RAB23: variants seen among roughly 807,000 people sequenced by gnomAD.
RAB23 encodes the protein ras-related protein Rab-23.
Under a neutral mutation model 30.0 loss-of-function variants are expected in RAB23, and 15 were observed. The ratio of observed to expected loss-of-function variants is 0.50; its 90% CI spans 0.33 to 0.77. The LOEUF is 0.77. Ranked by LOEUF, RAB23 falls within the 30% of genes least tolerant of loss-of-function variation. The probability of loss-of-function intolerance (pLI) is 0.02; values close to 1 mark genes in which losing one functional copy is unlikely to be tolerated. For synonymous variants in RAB23, 93 were observed against 94.0 expected, an observed-to-expected ratio of 0.99 and a Z score of 0.06; for missense variants, 243 against 275.4, an observed-to-expected ratio of 0.88 and a Z score of 0.83.
chr6:57,198,918 T>G (rs759624555), intron 3 of RAB23, among the ~76,000 whole-genome samples: 4 of 152,128 alleles, frequency 2.6e-5, no homozygotes, highest in Admixed American at 6.5e-5. Context: ...AAGCTCAACA[T>G]TATTTAAAAA....
rs377550834 is a variant in RAB23 at position 57,222,078 on chromosome 6, G to T, written c.-418C>A. 6.6e-6 allele frequency: 1 copy of T among 152,472 alleles called. No individual in the cohort carries two copies. The highest frequency in any genetic ancestry group is 1.5e-5 in the Non-Finnish European group (1 of 68,302). The allele number at this position is 152,472 out of a possible 1,614,324, so 9.4% of individuals were successfully genotyped here. The stretch of plus-strand genomic sequence containing the variant: ...GGCGCCACCGGCTCCTCCTGGTCGC[G>T]GCGCAACCGCTGCCGCCGCTGTCTC... On this transcript the variant is annotated 5_prime_UTR_variant, in exon 1 of 7. Transcript: ENST00000468148.
At chr6:57,213,036 TG>T (rs1213088017) in intron 1 of RAB23, among the ~76,000 whole-genome samples, 1 of 151,436 alleles carries the variant, frequency 6.6e-6, no homozygotes, top group Admixed American at 6.6e-5. Flanking sequence ...GGGAGGTTGG[TG>T]GGGGGCAGTG....
rs576194133 is a variant in RAB23, at chr6:57,210,276, T to C, written c.105A>G (p.Thr35=). Residue 35 remains threonine, a synonymous_variant, in exon 2 of 7, where the codon ACA becomes ACG. Transcript: ENST00000468148. ...MIQRYCKGIF[T]KDYKKTIGVD... is the part of the protein sequence containing the mutation. ...CTCCAATGGTTTTCTTGTAGTCTTT[T>C]GTAAAAATGCCTTTGCAATATCGCT... 1.9e-6 allele frequency: 3 copies of C among 1,614,116 alleles called. No homozygotes were observed. In the African/African-American group the frequency reaches 4.0e-5, roughly 22 times the overall value.
chr6:57,212,834 T>A (rs935363216), intron 1 of RAB23, among the ~76,000 whole-genome samples: 1 of 151,938 alleles, frequency 6.6e-6, no homozygotes, highest in African/African-American at 2.4e-5. Flanking sequence ...CAGTGAGCCA[T>A]GACTGTACCA....
intron 2 of RAB23, among the ~76,000 whole-genome samples, chr6:57,208,200 G>GT (rs1253876340): frequency 1.3e-5 from 2 of 152,068 alleles, no homozygotes; most frequent in Admixed American, 6.6e-5. Flanking sequence ...TATCTGCCAT[G>GT]TTTTTTTCTT....
rs1233679336 is a variant in RAB23, at chr6:57,188,218, G to T, written c.*2243C>A. 1 of 152,114 alleles carries T rather than the reference G, an allele frequency of 6.6e-6. No homozygotes were observed. The highest frequency in any genetic ancestry group is 1.5e-5 in the Non-Finnish European group (1 of 68,000). The allele number at this position is 152,114 out of a possible 1,614,324, so 9.4% of individuals were successfully genotyped here. ...AAATGTCAATTTTTGAAGGCTTTAA[G>T]AATTGATTAAATTGAGAAATTAACA... On this transcript the variant is annotated 3_prime_UTR_variant, in exon 7 of 7. Transcript: ENST00000468148.
Position 57,191,601 on chromosome 6 carries a change from C to T in RAB23, c.575-1001G>A, listed in dbSNP as rs371609001. Among the ~76,000 whole-genome samples the T allele has an allele frequency of 1.8e-4, 27 of 151,740 alleles. No homozygotes were observed. The East Asian group carries it at 3.1e-3, about 18-fold the overall frequency. On this transcript the variant is annotated intron_variant, in intron 6 of 6. Coordinates refer to ENST00000468148, the MANE Select transcript of RAB23 (RefSeq NM_016277.5). ...AGTAGCTGGGACTACAGCCGCCTGCCGCCACGCCCGGCTAATTTTTCATAT... is the reference window on the plus strand; with the variant it reads ...AGTAGCTGGGACTACAGCCGCCTGCTGCCACGCCCGGCTAATTTTTCATAT...
intron 2 of RAB23, among the ~76,000 whole-genome samples, chr6:57,208,063 G>A (rs1765512135): frequency 6.6e-6 from 1 of 152,158 alleles, no homozygotes. Context: ...TCCTGAGTCA[G>A]AGACCACATG....
chr6:57,209,096 G>C (rs1431622890), intron 2 of RAB23, among the ~76,000 whole-genome samples: 5 of 152,116 alleles, frequency 3.3e-5, no homozygotes, highest in Non-Finnish European at 5.9e-5. Flanking sequence ...CCAAGAAAAA[G>C]CACAAAATGT....
chr6:57,212,707 CCT>C (rs886119803), intron 1 of RAB23, among the ~76,000 whole-genome samples: 5 of 149,576 alleles, frequency 3.3e-5, no homozygotes, highest in Admixed American at 1.3e-4. Context: ...CATGTGAGTC[CCT>C]GTCTCTACCA....
chr6:57,199,550 T>C (rs139045671), intron 3 of RAB23, among the ~76,000 whole-genome samples: 5 of 152,248 alleles, frequency 3.3e-5, no homozygotes, highest in African/African-American at 1.2e-4. Flanking sequence ...AATGTATGAC[T>C]ATTAAACCAC....
In RAB23 at chr6:57,190,537, T is replaced by A. The variant is rs1299014217; in HGVS notation, c.638A>T (p.Asp213Val). Residue 213 changes from aspartate (D) to valine (V), a missense_variant, in exon 7 of 7, where the codon GAT becomes GTT. By Grantham distance (152) the Asp-to-Val change is radical (BLOSUM62 -3). Coordinates refer to ENST00000468148, the MANE Select transcript of RAB23 (RefSeq NM_016277.5). ...GQNSGTLNGG[D>V]VINLRPNKQR... ...TTTGTTGGGTCTAAGATTGATGACATCTCCACCATTGAGGGTACCTGAATT... is the reference window on the plus strand; with the variant it reads ...TTTGTTGGGTCTAAGATTGATGACAACTCCACCATTGAGGGTACCTGAATT... The A allele has an allele frequency of 6.2e-7, 1 of 1,613,796 alleles. No individual in the cohort carries two copies. The highest frequency in any genetic ancestry group is 8.5e-7 in the Non-Finnish European group (1 of 1,179,698).
At position 57,190,464 on chromosome 6, in the gene RAB23, G is replaced by A; in HGVS notation, c.711C>T (p.Pro237=). Residue 237 remains proline, a synonymous_variant, in exon 7 of 7, where the codon CCC becomes CCT. Coordinates refer to ENST00000468148, the MANE Select transcript of RAB23 (RefSeq NM_016277.5). ...ATTGTTTTCCTCCCAAAACATCTTA[G>A]GGTATGCTACAGCTGCTAAAAGGAT... ...NRNPFSSCSI[P] is the part of the protein sequence containing the mutation. 6.2e-7 allele frequency: 1 copy of A among 1,614,016 alleles called. No homozygotes were observed. Among genetic ancestry groups the A allele is most frequent in the Admixed American group, 1.7e-5 (1 of 60,030 alleles).
intron 3 of RAB23, among the ~76,000 whole-genome samples, chr6:57,207,236 G>A (rs540935121): frequency 6.6e-6 from 1 of 152,250 alleles, no homozygotes; most frequent in Non-Finnish European, 1.5e-5. Flanking sequence ...CAGTGAAAAG[G>A]CTTTACCATG....
chr6:57,213,574 A>T (rs1765733402), intron 1 of RAB23, among the ~76,000 whole-genome samples: 1 of 152,202 alleles, frequency 6.6e-6, no homozygotes. Context: ...CCTTTTAAAG[A>T]TATATACTTC....
intron 3 of RAB23, among the ~76,000 whole-genome samples, chr6:57,202,003 C>T (rs1014710223): frequency 2.1e-4 from 32 of 152,252 alleles, no homozygotes; most frequent in African/African-American, 7.7e-4. Context: ...CATAATAATA[C>T]CTTTGAGCAA....
chr6:57,219,156 C>A (rs1765958943), intron 1 of RAB23, among the ~76,000 whole-genome samples: 1 of 152,136 alleles, frequency 6.6e-6, no homozygotes, highest in African/African-American at 2.4e-5. Context: ...GACATATGTA[C>A]AACACACAAA....
At chr6:57,206,255 C>G (rs529682568) in intron 3 of RAB23, among the ~76,000 whole-genome samples, 1 of 151,784 alleles carries the variant, frequency 6.6e-6, no homozygotes, top group Admixed American at 6.6e-5. Context: ...AGAAGTAAAG[C>G]CATGTGGAAG....
chr6:57,191,006 T>C (rs1041334038), intron 6 of RAB23, among the ~76,000 whole-genome samples: 3 of 152,234 alleles, frequency 2.0e-5, no homozygotes, highest in African/African-American at 7.2e-5. Flanking sequence ...TCATTTAGCA[T>C]AATGTCTTCA....
Sources: gnomAD v4.1 joint callset for allele counts (sites outside exome capture counted in the v4.1 genomes callset) on GRCh38, gnomAD v4.1.1 for gene constraint, MANE v1.5 for transcripts, NCBI Gene and HGNC (gene_info 2026-07-23, HGNC 2026-07-21) for gene names.